PPP2R2B: variants seen among roughly 807,000 people sequenced by gnomAD.
PPP2R2B encodes the protein protein phosphatase 2 regulatory subunit Bbeta.
A neutral mutation model predicts 46.0 loss-of-function variants in PPP2R2B; 5 were observed. The observed-to-expected ratio is 0.11, with a 90% confidence interval of 0.06 to 0.23. The LOEUF is 0.23. Ranked by LOEUF, PPP2R2B falls within the 10% of genes least tolerant of loss-of-function variation. The pLI is 1.00. For synonymous variants in PPP2R2B, 215 were observed against 206.7 expected (o/e 1.04, Z -0.34); for missense variants, 367 against 575.0 (o/e 0.64, Z 3.70).
At chr5:146,698,351 T>TAC (rs57285530) in intron 3 of PPP2R2B, among the ~76,000 whole-genome samples, 48 of 103,010 alleles carry the variant, frequency 4.7e-4, no homozygotes, top group South Asian at 6.3e-4. Flanking sequence ...TATATATATA[T>TAC]ACACACACAT....
intron 1 of PPP2R2B, among the ~76,000 whole-genome samples, chr5:146,912,408 G>T (rs1763220065): frequency 6.6e-6 from 1 of 152,060 alleles, no homozygotes; most frequent in Admixed American, 6.6e-5. Context: ...TGGGGAGAGA[G>T]TGAGCATTCT....
At position 146,604,760 on chromosome 5, in the gene PPP2R2B, T is replaced by G. The variant is rs115051171; in HGVS notation, c.791-4300A>C. ...AAGGAGACAGACCAGGAGGAAAGGT[T>G]CAGTAAGTCACCAGGATCATGCAGC... is the stretch of plus-strand genomic sequence containing the variant. On this transcript the variant is annotated intron_variant, in intron 7 of 9. Coordinates refer to ENST00000394411, the MANE Select transcript of PPP2R2B (RefSeq NM_181675.4). Among the ~76,000 whole-genome samples the G allele has an allele frequency of 2.0e-3, 306 of 152,300 alleles. 2 individuals are homozygous for G. The highest frequency in any genetic ancestry group is 4.0e-3 in the Admixed American group (61 of 15,304).
At chr5:146,690,355 C>T (rs1778773340) in intron 5 of PPP2R2B, among the ~76,000 whole-genome samples, 2 of 152,214 alleles carry the variant, frequency 1.3e-5, no homozygotes, top group South Asian at 4.1e-4. Flanking sequence ...CCTATGAGAA[C>T]TTTTCTGGTC....
At chr5:147,023,309 G>T (rs1030630434) in intron 1 of PPP2R2B, among the ~76,000 whole-genome samples, 1 of 152,082 alleles carries the variant, frequency 6.6e-6, no homozygotes, top group Non-Finnish European at 1.5e-5. Context: ...GAGATAGTAT[G>T]CCAAAAATAA....
chr5:146,751,641 T>C (rs1434850318), intron 2 of PPP2R2B: 1 of 152,224 alleles, frequency 6.6e-6, no homozygotes, highest in East Asian at 1.9e-4. Context: ...ACTCAGTTCT[T>C]ACCCTCATGG....
intron 1 of PPP2R2B, among the ~76,000 whole-genome samples, chr5:147,021,636 G>T (rs61024428): frequency 0.015 from 2,248 of 152,262 alleles, 52 homozygotes; most frequent in African/African-American, 0.052. Flanking sequence ...CAGGGTGATA[G>T]CTAATCTAGA....
In PPP2R2B at chr5:146,691,204, T is replaced by C. The variant is rs762671662; in HGVS notation, c.371A>G (p.Asp124Gly). ...TVKLWKVSER[D>G]KRPEGYNLKD... ...CAGATTGTAGCCTTCTGGCCTCTTA[T>C]CACGCTCGCTGACTTTCCACAGCTT... The change falls in exon 5 of 10, where the codon GAT (aspartate) becomes GGT (glycine). Residue 124 changes from aspartate to glycine, a missense_variant. Physicochemically the swap from Asp to Gly is moderately conservative, Grantham distance 94. Transcript: ENST00000394411. 9 of 1,614,104 alleles carry C rather than the reference T, an allele frequency of 5.6e-6. No individual in the cohort carries two copies. Among genetic ancestry groups the C allele is most frequent in the African/African-American group, 2.7e-5 (2 of 75,022 alleles).
At chr5:146,823,151 TA>T (rs1215487072) in intron 2 of PPP2R2B, among the ~76,000 whole-genome samples, 1 of 152,182 alleles carries the variant, frequency 6.6e-6, no homozygotes, top group Non-Finnish European at 1.5e-5. Flanking sequence ...ACAGCCTGCA[TA>T]TCACTACCTA....
chr5:146,769,944 C>A (rs1299485851), intron 2 of PPP2R2B, among the ~76,000 whole-genome samples: 1 of 151,930 alleles, frequency 6.6e-6, no homozygotes, highest in East Asian at 1.9e-4. Flanking sequence ...CTAAAAAAAA[C>A]CCAGGGATGC....
intron 2 of PPP2R2B, among the ~76,000 whole-genome samples, chr5:146,810,693 T>C (rs1711562817): frequency 6.6e-6 from 1 of 152,168 alleles, no homozygotes; most frequent in Non-Finnish European, 1.5e-5. Flanking sequence ...TTCCAGTCTC[T>C]ATGGCTCCTG....
At chr5:146,764,226 G>A (rs569045942) in intron 2 of PPP2R2B, among the ~76,000 whole-genome samples, 1 of 152,052 alleles carries the variant, frequency 6.6e-6, no homozygotes, top group African/African-American at 2.4e-5. Flanking sequence ...GAGTCTGGAG[G>A]GGGGTGGGCA....
chr5:146,698,318 ATATATATAT>A lies in PPP2R2B; in HGVS notation c.169-183_169-175del, dbSNP rs1484900776. On this transcript the variant is annotated intron_variant, in intron 3 of 9. Coordinates refer to ENST00000394411, the MANE Select transcript of PPP2R2B (RefSeq NM_181675.4). ...CCTCTGAAAAAAAAAAAAAAAAAAA[ATATATATAT>A]ATATATATATATATATATATATATA... is the stretch of plus-strand genomic sequence containing the variant. Among the ~76,000 whole-genome samples, 118 of 55,696 alleles carry A rather than the reference ATATATATAT, an allele frequency of 2.1e-3. 1 individual carries two copies. The highest frequency in any genetic ancestry group is 7.5e-3 in the African/African-American group (87 of 11,602). The allele number at this position is 55,696 out of a possible 152,430, so 36.5% of individuals were successfully genotyped here.
At chr5:146,994,295 AG>A (rs934982137) in intron 1 of PPP2R2B, among the ~76,000 whole-genome samples, 41 of 152,290 alleles carry the variant, frequency 2.7e-4, no homozygotes, top group African/African-American at 9.6e-4. Flanking sequence ...TGCGTAACCC[AG>A]CAAATAAGTG....
chr5:147,008,941 C>G (rs17105820), intron 1 of PPP2R2B, among the ~76,000 whole-genome samples: 1 of 152,090 alleles, frequency 6.6e-6, no homozygotes, highest in African/African-American at 2.4e-5. Flanking sequence ...ATATTCACAT[C>G]GTCCTTAGAT....
chr5:146,624,053 A>T (rs1773879230), intron 7 of PPP2R2B, among the ~76,000 whole-genome samples: 1 of 152,196 alleles, frequency 6.6e-6, no homozygotes, highest in Non-Finnish European at 1.5e-5. Context: ...TGTATTCATT[A>T]TATGATGTAA....
intron 1 of PPP2R2B, among the ~76,000 whole-genome samples, chr5:147,050,242 G>C (rs1273117357): frequency 6.6e-6 from 1 of 152,174 alleles, no homozygotes; most frequent in African/African-American, 2.4e-5. Context: ...ATAACTCCTT[G>C]AGTTGAGCAT....
chr5:146,820,934 C>T (rs1215129712), intron 2 of PPP2R2B, among the ~76,000 whole-genome samples: 2 of 152,158 alleles, frequency 1.3e-5, no homozygotes, highest in Admixed American at 1.3e-4. Context: ...CTTTTCCACG[C>T]CATGCCCTCT....
chr5:146,755,681 A>T (rs1753791518), intron 2 of PPP2R2B, among the ~76,000 whole-genome samples: 1 of 152,252 alleles, frequency 6.6e-6, no homozygotes, highest in African/African-American at 2.4e-5. Context: ...AAATGGTTTA[A>T]AATCAAAGAG....
intron 2 of PPP2R2B, among the ~76,000 whole-genome samples, chr5:146,786,163 A>T (rs1457370448): frequency 6.6e-6 from 1 of 152,186 alleles, no homozygotes; most frequent in Admixed American, 6.5e-5. Flanking sequence ...ATGAACAATT[A>T]CTATATATCA....
Sources: gnomAD v4.1 joint callset for allele counts (sites outside exome capture counted in the v4.1 genomes callset) on GRCh38, gnomAD v4.1.1 for gene constraint, MANE v1.5 for transcripts, NCBI Gene and HGNC (gene_info 2026-07-23, HGNC 2026-07-21) for gene names.